SMIM13: variants seen among roughly 807,000 people sequenced by gnomAD.
The protein encoded by SMIM13 is UPF0766 protein C6orf228.
In SMIM13, 3 loss-of-function variants were observed where a neutral mutation model predicts 5.9. The ratio of observed to expected loss-of-function variants is 0.51; its 90% CI spans 0.23 to 1.31. SMIM13 has a LOEUF of 1.31. Ranked by LOEUF, SMIM13 falls within the 40% of genes most tolerant of loss-of-function variation. SMIM13 has a pLI of 0.18. For missense variants in SMIM13, 85 were observed against 109.9 expected (o/e 0.77, Z 1.01); for synonymous variants, 55 against 46.0 (o/e 1.19, Z -0.79).
At chr6:11,130,258 A>C in intron 1 of SMIM13, among the ~76,000 whole-genome samples, 1 of 88,576 alleles carries the variant, frequency 1.1e-5, no homozygotes, top group East Asian at 6.2e-4. Flanking sequence ...CATTGTAAAA[A>C]AAAAAAAAAA....
chr6:11,107,546 G>A (rs1343260362), intron 1 of SMIM13, among the ~76,000 whole-genome samples: 3 of 152,198 alleles, frequency 2.0e-5, no homozygotes, highest in Admixed American at 2.0e-4. Flanking sequence ...GTGAGCTGTT[G>A]ACTCCTTCCT....
chr6:11,129,438 C>G (rs906362898), intron 1 of SMIM13, among the ~76,000 whole-genome samples: 2 of 152,160 alleles, frequency 1.3e-5, no homozygotes, highest in Admixed American at 1.3e-4. Flanking sequence ...ATTGCTGGCA[C>G]TTAGGTTGAT....
At chr6:11,105,047 A>G (rs1189696874) in intron 1 of SMIM13, 2 of 1,614,080 alleles carry the variant, frequency 1.2e-6, no homozygotes, top group East Asian at 2.2e-5. Context: ...GACTATTTGC[A>G]GGCCTCATCA....
intron 1 of SMIM13, among the ~76,000 whole-genome samples, chr6:11,099,078 C>T (rs1757960197): frequency 6.6e-6 from 1 of 152,096 alleles, no homozygotes; most frequent in Non-Finnish European, 1.5e-5. Flanking sequence ...CCCAAGGTCT[C>T]CTATCCAGTC....
intron 1 of SMIM13, among the ~76,000 whole-genome samples, chr6:11,117,045 C>G (rs1405156124): frequency 8.5e-6 from 1 of 117,712 alleles, no homozygotes; most frequent in Non-Finnish European, 1.6e-5. Context: ...GGCTGGAGTG[C>G]AGTGGCGCGA....
chr6:11,110,501 G>T, intron 1 of SMIM13, among the ~76,000 whole-genome samples: 1 of 152,156 alleles, frequency 6.6e-6, no homozygotes, highest in East Asian at 1.9e-4. Flanking sequence ...CTGCAAGGGG[G>T]CTGGACTTCT....
At chr6:11,112,258 CT>C (rs573096581) in intron 1 of SMIM13, among the ~76,000 whole-genome samples, 204 of 145,230 alleles carry the variant, frequency 1.4e-3, no homozygotes, top group Middle Eastern at 3.6e-3. Flanking sequence ...GAACTGCTTG[CT>C]TTTTTTTTTT....
In SMIM13 at chr6:11,129,675, G is replaced by A. The variant is rs76842006; in HGVS notation, c.77-4728G>A. Among the ~76,000 whole-genome samples, 896 of 151,974 alleles carry A rather than the reference G, an allele frequency of 5.9e-3. 3 individuals are homozygous for A. The highest frequency in any genetic ancestry group is 0.024 in the South Asian group (115 of 4,792). Reference sequence around the variant, plus strand: ...ATTTCTGGATTCCCTATTGTGTTCCGTTTGTCTATGTGTCTGTTTTTTTAT... The same window carrying A: ...ATTTCTGGATTCCCTATTGTGTTCCATTTGTCTATGTGTCTGTTTTTTTAT... On this transcript the variant is annotated intron_variant, in intron 1 of 1. Transcript: ENST00000416247.
At chr6:11,120,992 C>CA (rs1486060863) in intron 1 of SMIM13, among the ~76,000 whole-genome samples, 1 of 152,200 alleles carries the variant, frequency 6.6e-6, no homozygotes, top group Non-Finnish European at 1.5e-5. Context: ...GTTTATCTTA[C>CA]ATAGAAAACA....
chr6:11,133,513 A>G (rs575493822), intron 1 of SMIM13, among the ~76,000 whole-genome samples: 142 of 152,276 alleles, frequency 9.3e-4, no homozygotes, highest in African/African-American at 2.5e-3. Context: ...TTTCATTTCT[A>G]TTCTATGCAA....
At chr6:11,114,208 G>C (rs1758206915) in intron 1 of SMIM13, among the ~76,000 whole-genome samples, 1 of 152,018 alleles carries the variant, frequency 6.6e-6, no homozygotes, top group Non-Finnish European at 1.5e-5. Context: ...TCAACCTCCT[G>C]ATCTCAAGTG....
intron 1 of SMIM13, among the ~76,000 whole-genome samples, chr6:11,114,302 G>A (rs72825129): frequency 0.02 from 3,057 of 152,150 alleles, 45 homozygotes; most frequent in South Asian, 0.049. Flanking sequence ...GTGTACATTT[G>A]TCTTTTAGCT....
chr6:11,128,012 C>T (rs1314623812), intron 1 of SMIM13, among the ~76,000 whole-genome samples: 2 of 152,200 alleles, frequency 1.3e-5, no homozygotes, highest in Admixed American at 1.3e-4. Context: ...TATTCTATCC[C>T]ACTGTAGCTG....
At chr6:11,126,989 A>G (rs1758385846) in intron 1 of SMIM13, among the ~76,000 whole-genome samples, 1 of 152,200 alleles carries the variant, frequency 6.6e-6, no homozygotes, top group Admixed American at 6.5e-5. Flanking sequence ...CCCCAAACAA[A>G]TGGAGTCTCT....
chr6:11,130,903 C>T (rs72825143), intron 1 of SMIM13, among the ~76,000 whole-genome samples: 3,063 of 152,282 alleles, frequency 0.02, 47 homozygotes, highest in South Asian at 0.05. Context: ...AAGACTTCCT[C>T]ACTCTTCTTT....
At chr6:11,114,865 GT>G (rs1482904795) in intron 1 of SMIM13, among the ~76,000 whole-genome samples, 28 of 152,014 alleles carry the variant, frequency 1.8e-4, no homozygotes, top group African/African-American at 6.5e-4. Context: ...CTCCCAAAGT[GT>G]TGGCATTATA....
At chr6:11,129,683 A>G (rs972657561) in intron 1 of SMIM13, among the ~76,000 whole-genome samples, 1 of 151,964 alleles carries the variant, frequency 6.6e-6, no homozygotes, top group Admixed American at 6.6e-5. Flanking sequence ...CCGTTTGTCT[A>G]TGTGTCTGTT....
chr6:11,127,815 A>G (rs1352526081), intron 1 of SMIM13, among the ~76,000 whole-genome samples: 1 of 152,098 alleles, frequency 6.6e-6, no homozygotes, highest in African/African-American at 2.4e-5. Context: ...AACCATATCT[A>G]ACTCAGCTTG....
chr6:11,114,872 T>A (rs1758217358), intron 1 of SMIM13, among the ~76,000 whole-genome samples: 1 of 152,170 alleles, frequency 6.6e-6, no homozygotes, highest in African/African-American at 2.4e-5. Flanking sequence ...AGTGTTGGCA[T>A]TATAGGCATG....
Sources: allele counts gnomAD v4.1 joint callset (sites outside exome capture counted in the v4.1 genomes callset), GRCh38; gene constraint gnomAD v4.1.1; transcripts MANE v1.5; gene names NCBI Gene and HGNC (gene_info 2026-07-23, HGNC 2026-07-21).